The following ITGA9 variants were observed in gnomAD, a reference collection of about 807,000 sequenced individuals.
The protein encoded by ITGA9 is integrin alpha-9.
A neutral mutation model predicts 127.8 loss-of-function variants in ITGA9; 56 were observed. The observed-to-expected ratio is 0.44, with a 90% CI of 0.35 to 0.55. The LOEUF (loss-of-function observed/expected upper bound fraction) is 0.55. Ranked by LOEUF, ITGA9 falls within the 20% of genes least tolerant of loss-of-function variation. The pLI is 0.00. For synonymous variants in ITGA9, 508 were observed against 514.5 expected (o/e 0.99, Z 0.17); for missense variants, 1,196 against 1,347.1 (o/e 0.89, Z 1.76).
At chr3:37,601,036 CTT>C (rs1249554959) in intron 15 of ITGA9, among the ~76,000 whole-genome samples, 1 of 152,224 alleles carries the variant, frequency 6.6e-6, no homozygotes, top group Admixed American at 6.5e-5. Context: ...GGAAGGGAGA[CTT>C]AGGGTGTGGC....
Position 37,452,400 on chromosome 3 carries a change from G to C in ITGA9, c.26G>C (p.Gly9Ala). 7.2e-7 allele frequency: 1 copy of C among 1,391,254 alleles called. No homozygotes were observed. Among genetic ancestry groups the C allele is most frequent in the South Asian group, 1.5e-5 (1 of 65,912 alleles). The allele number at this position is 1,391,254 out of a possible 1,614,324, so 86.2% of individuals were successfully genotyped here. MGGPAAPR[G>A]AGRLRALLLA... The stretch of plus-strand genomic sequence containing the variant: ...ATGGGCGGCCCGGCTGCGCCGAGGG[G>C]CGCCGGGAGGCTCCGCGCGCTGCTG... The change falls in exon 1 of 28, where the codon GGC (glycine) becomes GCC (alanine). Residue 9 changes from glycine to alanine, a missense_variant. Physicochemically the swap from Gly to Ala is moderately conservative, Grantham distance 60. Coordinates refer to ENST00000264741, the MANE Select transcript of ITGA9 (RefSeq NM_002207.3). The surrounding 1 kb of genome is among the most constrained non-coding windows in gnomAD (Gnocchi z 7.3).
chr3:37,728,343 TC>T (rs1696243040), intron 18 of ITGA9, among the ~76,000 whole-genome samples: 1 of 152,230 alleles, frequency 6.6e-6, no homozygotes, highest in Non-Finnish European at 1.5e-5. Flanking sequence ...TAGCCATATC[TC>T]CCCAAAATTT....
rs79469184 is a variant in ITGA9 at position 37,565,585 on chromosome 3, C to T, written c.1689+23000C>T. 6.7e-4 allele frequency among the ~76,000 whole-genome samples: 102 copies of T among 152,186 alleles called. 1 individual carries two copies. In the East Asian group the frequency reaches 0.011, roughly 16 times the overall value. On this transcript the variant is annotated intron_variant, in intron 15 of 27. Coordinates refer to ENST00000264741, the MANE Select transcript of ITGA9 (RefSeq NM_002207.3). The stretch of plus-strand genomic sequence containing the variant: ...GGTGGTGGGTACAGCATTTCAGGTG[C>T]GGAAGATGAAAGGTTCTGGAGGTGG...
rs1235212563 is a variant in ITGA9 at position 37,512,184 on chromosome 3, C to G, written c.898-1579C>G. 2.8e-4 allele frequency among the ~76,000 whole-genome samples: 6 copies of G among 21,152 alleles called. 1 individual carries two copies. Among genetic ancestry groups the G allele is most frequent in the Admixed American group, 8.2e-4 (1 of 1,222 alleles). 13.9% of individuals were successfully genotyped at this position (21,152 alleles called of 152,430 possible). On this transcript the variant is annotated intron_variant, in intron 8 of 27. Coordinates refer to ENST00000264741, the MANE Select transcript of ITGA9 (RefSeq NM_002207.3). Reference sequence around the variant, plus strand: ...CTTTTCTTTTCTTTTCTTTTCTTTTCTTTTCTTTTCTTTTCTTTTCTTTTC... The same window carrying G: ...CTTTTCTTTTCTTTTCTTTTCTTTTGTTTTCTTTTCTTTTCTTTTCTTTTC...
chr3:37,811,100 TC>T (rs1486629713), intron 27 of ITGA9, among the ~76,000 whole-genome samples: 1 of 152,180 alleles, frequency 6.6e-6, no homozygotes, highest in East Asian at 1.9e-4. Context: ...CTCTTCAAAT[TC>T]TGAAATGGAT....
intron 14 of ITGA9, among the ~76,000 whole-genome samples, chr3:37,534,719 T>C (rs964296438): frequency 2.2e-4 from 34 of 152,224 alleles, no homozygotes; most frequent in African/African-American, 7.7e-4. Flanking sequence ...AACCATACCA[T>C]AAAACTTGGG....
chr3:37,743,860 A>T, intron 21 of ITGA9, 66 bp from the exon 22 acceptor site: 1 of 1,055,350 alleles, frequency 9.5e-7, no homozygotes, highest in South Asian at 1.3e-5. Context: ...TGCTTCTCAG[A>T]ATGGCAGTGA....
Position 37,473,344 on chromosome 3 carries a change from C to T in ITGA9, c.314-10C>T, listed in dbSNP as rs1698456947. The T allele has an allele frequency of 6.2e-7, 1 of 1,612,758 alleles. No individual in the cohort carries two copies. The highest frequency in any genetic ancestry group is 8.5e-7 in the Non-Finnish European group (1 of 1,178,756). On this transcript the variant is annotated splice_polypyrimidine_tract_variant and intron_variant, in intron 2 of 27. Transcript: ENST00000264741. ...TCAACCCAAGTCTGGCTCTTCTCCT[C>T]TTTCTCCAGGGAAGAATCGGGGCAC...
At chr3:37,730,801 A>G (rs1002971648) in intron 18 of ITGA9, among the ~76,000 whole-genome samples, 3 of 152,188 alleles carry the variant, frequency 2.0e-5, no homozygotes, top group African/African-American at 7.2e-5. Flanking sequence ...GGGAAGGGCT[A>G]AGGAAAGGTG....
intron 15 of ITGA9, among the ~76,000 whole-genome samples, chr3:37,579,956 A>G (rs1699689691): frequency 6.6e-6 from 1 of 152,236 alleles, no homozygotes; most frequent in Non-Finnish European, 1.5e-5. Context: ...GAGCTTTTAC[A>G]TAATTATCCA....
At chr3:37,511,244 C>T (rs1698901581) in intron 8 of ITGA9, among the ~76,000 whole-genome samples, 1 of 152,126 alleles carries the variant, frequency 6.6e-6, no homozygotes, top group South Asian at 2.1e-4. Context: ...TTGACTTTCT[C>T]CAAATAGTAC....
At chr3:37,551,900 G>A (rs1313617424) in intron 15 of ITGA9, among the ~76,000 whole-genome samples, 1 of 152,262 alleles carries the variant, frequency 6.6e-6, no homozygotes, top group African/African-American at 2.4e-5. Flanking sequence ...AGACGGATGA[G>A]CCGTGTGGAC....
chr3:37,651,166 C>T (rs1010689968), intron 16 of ITGA9, among the ~76,000 whole-genome samples: 1 of 152,118 alleles, frequency 6.6e-6, no homozygotes, highest in Admixed American at 6.5e-5. Context: ...ATATGTCAAA[C>T]TCAGTGCTTG....
At chr3:37,512,116 CCTTCTTTCT>C (rs1698928146) in intron 8 of ITGA9, among the ~76,000 whole-genome samples, 3 of 66,322 alleles carry the variant, frequency 4.5e-5, no homozygotes, top group Admixed American at 1.7e-4. Flanking sequence ...TTCCTTCCTT[CCTTCTTTCT>C]TTTCTTTTCT....
intron 4 of ITGA9, among the ~76,000 whole-genome samples, chr3:37,492,060 C>G (rs949465777): frequency 6.6e-6 from 1 of 152,162 alleles, no homozygotes; most frequent in African/African-American, 2.4e-5. Flanking sequence ...ACAACTGCCC[C>G]CAAAGTGTGT....
At chr3:37,598,989 A>G (rs957872641) in intron 15 of ITGA9, among the ~76,000 whole-genome samples, 9 of 152,218 alleles carry the variant, frequency 5.9e-5, no homozygotes, top group African/African-American at 2.2e-4. Flanking sequence ...CAAGAATTAT[A>G]ATAAAGAATA....
At chr3:37,761,491 G>A (rs769581103) in intron 23 of ITGA9, among the ~76,000 whole-genome samples, 1 of 152,170 alleles carries the variant, frequency 6.6e-6, no homozygotes, top group Non-Finnish European at 1.5e-5. Flanking sequence ...GATTCTGAGA[G>A]AAAGTTGTTA....
chr3:37,711,461 G>A (rs1701078766), intron 18 of ITGA9, among the ~76,000 whole-genome samples: 1 of 152,196 alleles, frequency 6.6e-6, no homozygotes, highest in Admixed American at 6.5e-5. Flanking sequence ...CATTCAAGGG[G>A]AGGAGAATCA....
chr3:37,583,257 T>C (rs1699726843), intron 15 of ITGA9, among the ~76,000 whole-genome samples: 1 of 152,180 alleles, frequency 6.6e-6, no homozygotes, highest in Non-Finnish European at 1.5e-5. Flanking sequence ...CCAGAGTAGC[T>C]CACCTGTGGG....
Sources: allele counts gnomAD v4.1 joint callset (sites outside exome capture counted in the v4.1 genomes callset), GRCh38; gene constraint gnomAD v4.1.1; non-coding constraint Gnocchi (gnomAD v3.1); transcripts MANE v1.5; gene names NCBI Gene and HGNC (gene_info 2026-07-23, HGNC 2026-07-21).